The following ADCK1 variants were observed in gnomAD, a reference collection of about 807,000 sequenced individuals.
ADCK1 encodes aarF domain containing kinase 1.
ADCK1 carries 41 observed loss-of-function variants against 52.3 expected under a neutral mutation model. The ratio of observed to expected loss-of-function variants is 0.78; its 90% confidence interval spans 0.61 to 1.02. ADCK1 has a LOEUF of 1.02. Among genes scored for constraint, ADCK1 ranks in the 50% least tolerant of loss-of-function variants. ADCK1 has a pLI of 0.00. For missense variants in ADCK1, 658 were observed against 679.5 expected, an observed-to-expected ratio of 0.97 and a Z score of 0.35; for synonymous variants, 250 against 274.6, an observed-to-expected ratio of 0.91 and a Z score of 0.89.
intron 3 of ADCK1, among the ~76,000 whole-genome samples, chr14:77,857,349 A>G (rs546815580): frequency 6.6e-6 from 1 of 152,240 alleles, no homozygotes; most frequent in African/African-American, 2.4e-5. Context: ...TACATGGGAA[A>G]TTGTTACACA....
At chr14:77,907,438 T>C (rs1338977270) in intron 6 of ADCK1, among the ~76,000 whole-genome samples, 1 of 152,238 alleles carries the variant, frequency 6.6e-6, no homozygotes, top group African/African-American at 2.4e-5. Context: ...GAAGTAGGCC[T>C]GGTGGCGGGA....
At chr14:77,811,003 G>T (rs1420548268) in intron 1 of ADCK1, among the ~76,000 whole-genome samples, 1 of 151,868 alleles carries the variant, frequency 6.6e-6, no homozygotes, top group Non-Finnish European at 1.5e-5. Flanking sequence ...GATCTGATTA[G>T]GGACCTGTGT....
rs10581300 is a variant in ADCK1 at position 77,839,918 on chromosome 14, C to CAA, written c.219+17423_219+17424dup. Among the ~76,000 whole-genome samples the CAA allele has an allele frequency of 6.9e-3, 481 of 69,570 alleles. 6 individuals carry two copies. The highest frequency in any genetic ancestry group is 0.012 in the African/African-American group (187 of 15,458). 45.6% of individuals were successfully genotyped at this position (69,570 alleles called of 152,430 possible). A position where few individuals can be genotyped will look rare whatever the true frequency, so the allele number is the denominator to read the frequency against. On this transcript the variant is annotated intron_variant, in intron 3 of 10. Coordinates refer to ENST00000238561, the MANE Select transcript of ADCK1 (RefSeq NM_020421.4). Reference sequence around the variant, plus strand: ...TGGGGGACAGAGTGAGACCCTGTCTCAAAAAAAAAAAAAAAAAAAAAAAAG... The same window carrying CAA: ...TGGGGGACAGAGTGAGACCCTGTCTCAAAAAAAAAAAAAAAAAAAAAAAAAAG...
intron 5 of ADCK1, among the ~76,000 whole-genome samples, chr14:77,891,240 A>G (rs2140218759): frequency 6.6e-6 from 1 of 152,322 alleles, no homozygotes; most frequent in Admixed American, 6.5e-5. Flanking sequence ...GGAGCTGACC[A>G]GGGCAGGAGA....
At chr14:77,800,429 T>G (rs1443728702) in intron 1 of ADCK1, among the ~76,000 whole-genome samples, 1 of 152,260 alleles carries the variant, frequency 6.6e-6, no homozygotes, top group Non-Finnish European at 1.5e-5. Flanking sequence ...GGCACACCAG[T>G]GGGCTTTCAT....
chr14:77,830,466 T>A (rs12894510), intron 3 of ADCK1, among the ~76,000 whole-genome samples: 88,264 of 150,622 alleles, frequency 0.59, 27,945 homozygotes, highest in Middle Eastern at 0.69. Flanking sequence ...ATTTTTTTTT[T>A]AATTAAATAT....
At chr14:77,877,599 CT>C (rs2082928521) in intron 4 of ADCK1, among the ~76,000 whole-genome samples, 1 of 152,136 alleles carries the variant, frequency 6.6e-6, no homozygotes, top group Non-Finnish European at 1.5e-5. Flanking sequence ...GAGTTGCTGG[CT>C]TTTGTATTTC....
At chr14:77,894,843 C>T (rs996336907) in intron 5 of ADCK1, among the ~76,000 whole-genome samples, 3 of 146,628 alleles carry the variant, frequency 2.0e-5, no homozygotes, top group South Asian at 2.2e-4. Context: ...ACCTCTGCCT[C>T]CTGGGTTCAA....
chr14:77,801,045 CAT>C (rs1472532847), intron 1 of ADCK1, among the ~76,000 whole-genome samples: 19 of 152,138 alleles, frequency 1.2e-4, no homozygotes, highest in Non-Finnish European at 2.4e-4. Flanking sequence ...GGCTGGGCAA[CAT>C]AGTGAGACTC....
chr14:77,884,724 A>G (rs755284413), intron 4 of ADCK1, among the ~76,000 whole-genome samples: 1 of 152,172 alleles, frequency 6.6e-6, no homozygotes, highest in Non-Finnish European at 1.5e-5. Flanking sequence ...GTTCTACCCC[A>G]GGCTTATATT....
At chr14:77,927,435 C>T (rs1289370403) in intron 9 of ADCK1, among the ~76,000 whole-genome samples, 1 of 152,136 alleles carries the variant, frequency 6.6e-6, no homozygotes, top group Non-Finnish European at 1.5e-5. Context: ...TCCTGAAGTT[C>T]GTTCTTTTGA....
At chr14:77,815,753 G>A (rs544056549) in intron 1 of ADCK1, among the ~76,000 whole-genome samples, 3 of 149,220 alleles carry the variant, frequency 2.0e-5, no homozygotes, top group East Asian at 2.0e-4. Flanking sequence ...TCGTGACCTC[G>A]TGATCTGCCT....
intron 3 of ADCK1, among the ~76,000 whole-genome samples, chr14:77,840,324 G>T (rs1191889647): frequency 6.6e-6 from 1 of 152,030 alleles, no homozygotes; most frequent in Non-Finnish European, 1.5e-5. Context: ...GGCTCTAGGG[G>T]AGAATTCTTT....
At chr14:77,917,683 T>G (rs4899681) in intron 7 of ADCK1, among the ~76,000 whole-genome samples, 1 of 152,128 alleles carries the variant, frequency 6.6e-6, no homozygotes, top group Non-Finnish European at 1.5e-5. Flanking sequence ...AAGGCACATT[T>G]TTTTTATGTG....
intron 3 of ADCK1, among the ~76,000 whole-genome samples, chr14:77,852,669 A>ATATATATTATATATATATATAT (rs1566667179): frequency 1.1e-4 from 1 of 9,408 alleles, no homozygotes. Flanking sequence ...AAATATATAT[A>ATATATATTATATATATATATAT]TATATATATA....
rs545660366 is a variant in ADCK1 at position 77,804,529 on chromosome 14, G to A, written c.-12+4359G>A. Reference sequence around the variant, plus strand: ...CCCAGAGGTGGTCTCAAGGGTAGGGGTGGCCTCATTGCATACAGGGGACAG... The same window carrying A: ...CCCAGAGGTGGTCTCAAGGGTAGGGATGGCCTCATTGCATACAGGGGACAG... On this transcript the variant is annotated intron_variant, in intron 1 of 10. Transcript: ENST00000238561. Among the ~76,000 whole-genome samples, 3 of 152,068 alleles carry A rather than the reference G, an allele frequency of 2.0e-5. No homozygotes were observed. The South Asian group carries it at 6.2e-4, about 32-fold the overall frequency.
At chr14:77,909,390 C>G (rs565844095) in intron 7 of ADCK1, among the ~76,000 whole-genome samples, 1 of 152,350 alleles carries the variant, frequency 6.6e-6, no homozygotes, top group East Asian at 1.9e-4. Flanking sequence ...CTGCCTCGAT[C>G]TCCCAAAGTG....
intron 4 of ADCK1, among the ~76,000 whole-genome samples, chr14:77,872,831 C>T (rs1050645206): frequency 8.5e-5 from 13 of 152,048 alleles, no homozygotes; most frequent in African/African-American, 1.9e-4. Flanking sequence ...TCCGCCACCA[C>T]GCCCAGCTAA....
At position 77,921,326 on chromosome 14, in the gene ADCK1, C is replaced by CAAAAAAAAAAAAAAAAA. The variant is rs756056466; in HGVS notation, c.859-3125_859-3109dup. On this transcript the variant is annotated intron_variant, in intron 7 of 10. Coordinates refer to ENST00000238561, the MANE Select transcript of ADCK1 (RefSeq NM_020421.4). ...TGGGCGACAGAGTGAGACTCTGTCTCAAAAAAAAAAAAAAAAAAAAAAGAA... is the reference window on the plus strand; with the variant it reads ...TGGGCGACAGAGTGAGACTCTGTCTCAAAAAAAAAAAAAAAAAAAAAAAAAAAAAAAAAAAAAAAGAA... 3.4e-3 allele frequency among the ~76,000 whole-genome samples: 141 copies of CAAAAAAAAAAAAAAAAA among 41,192 alleles called. 7 individuals are homozygous for CAAAAAAAAAAAAAAAAA. The highest frequency in any genetic ancestry group is 5.6e-3 in the African/African-American group (81 of 14,538). The allele number at this position is 41,192 out of a possible 152,430, so 27.0% of individuals were successfully genotyped here. A position where few individuals can be genotyped will look rare whatever the true frequency, so the allele number is the denominator to read the frequency against.
Sources: allele counts gnomAD v4.1 joint callset (sites outside exome capture counted in the v4.1 genomes callset), GRCh38; gene constraint gnomAD v4.1.1; transcripts MANE v1.5; gene names NCBI Gene and HGNC (gene_info 2026-07-23, HGNC 2026-07-21).